Variants in HSD17B4 observed in about 807,000 individuals in gnomAD.
HSD17B4 encodes the protein hydroxysteroid 17-beta dehydrogenase 4.
HSD17B4 carries 70 observed loss-of-function variants against 101.0 expected under a neutral mutation model. The ratio of observed to expected loss-of-function variants is 0.69; its 90% confidence interval spans 0.57 to 0.85. HSD17B4 has a LOEUF of 0.85. HSD17B4 is among the 40% of genes least tolerant of loss of function. The probability of loss-of-function intolerance (pLI) is 0.00; values close to 1 mark genes in which losing one functional copy is unlikely to be tolerated. For synonymous variants in HSD17B4, 347 were observed against 297.1 expected (o/e 1.17, Z -1.73); for missense variants, 984 against 892.4 (o/e 1.10, Z -1.31).
Position 119,514,985 on chromosome 5 carries a change from C to T in HSD17B4, c.1442C>T (p.Ala481Val), listed in dbSNP as rs747593673. ...GKRTSDKVKVAVAIPNRPPDA... is the reference protein window; with the variant it reads ...GKRTSDKVKVVVAIPNRPPDA... ...CATGTAATGTCTTAATTTTAGGTAG[C>T]TGTAGCCATACCTAATAGACCTCCT... Residue 481 changes from alanine to valine, a missense_variant, in exon 17 of 24, where the codon GCT (alanine) becomes GTT (valine). Physicochemically the swap from Ala to Val is moderately conservative, Grantham distance 64. Transcript: ENST00000510025. 1 of 1,522,962 alleles carries T rather than the reference C, an allele frequency of 6.6e-7. No homozygotes were observed. Among genetic ancestry groups the T allele is most frequent in the Non-Finnish European group, 9.1e-7 (1 of 1,097,240 alleles). 94.3% of individuals were successfully genotyped at this position (1,522,962 alleles called of 1,614,324 possible).
chr5:119,524,794 T>C (rs947605474), intron 17 of HSD17B4, among the ~76,000 whole-genome samples: 2 of 152,156 alleles, frequency 1.3e-5, no homozygotes, highest in Non-Finnish European at 2.9e-5. Context: ...CTTTGATGTT[T>C]CTATGTCCGA....
intron 2 of HSD17B4, chr5:119,471,672 C>A: frequency 6.8e-7 from 1 of 1,473,558 alleles, no homozygotes; most frequent in Non-Finnish European, 9.0e-7. Context: ...TGGAGAAGAT[C>A]ATTTCACAAT....
At chr5:119,502,451 T>C (rs945258720) in intron 14 of HSD17B4, among the ~76,000 whole-genome samples, 6 of 152,148 alleles carry the variant, frequency 3.9e-5, no homozygotes, top group African/African-American at 1.4e-4. Context: ...TATACTGATT[T>C]TCATAAAGCA....
intron 2 of HSD17B4, among the ~76,000 whole-genome samples, chr5:119,457,440 G>C (rs1051620298): frequency 7.9e-5 from 12 of 152,208 alleles, no homozygotes; most frequent in African/African-American, 2.9e-4. Context: ...CTTCATTGTG[G>C]ATGTGTAGCT....
At chr5:119,526,119 G>A (rs992785814) in intron 19 of HSD17B4, 96 bp downstream of exon 19, 1 of 773,888 alleles carries the variant, frequency 1.3e-6, no homozygotes, top group Non-Finnish European at 2.3e-6. Flanking sequence ...AATAGATATT[G>A]TACTACAGCA....
chr5:119,491,189 T>C (rs750189211), intron 9 of HSD17B4, among the ~76,000 whole-genome samples: 2 of 152,094 alleles, frequency 1.3e-5, no homozygotes, highest in Non-Finnish European at 2.9e-5. Context: ...CAGTAAAAAG[T>C]GGTAGTTATT....
chr5:119,530,860 A>C (rs1006529726), intron 21 of HSD17B4, among the ~76,000 whole-genome samples: 31 of 131,900 alleles, frequency 2.4e-4, no homozygotes, highest in Middle Eastern at 3.6e-3. Context: ...AAAAAAAAAA[A>C]AAACAAAAAA....
chr5:119,472,284 C>T (rs1459711032), intron 2 of HSD17B4, among the ~76,000 whole-genome samples: 1 of 152,160 alleles, frequency 6.6e-6, no homozygotes, highest in Non-Finnish European at 1.5e-5. Context: ...GATATTTCAA[C>T]ATTGTGTGCT....
intron 17 of HSD17B4, among the ~76,000 whole-genome samples, chr5:119,522,402 G>T (rs1753200456): frequency 6.6e-6 from 1 of 152,206 alleles, no homozygotes. Flanking sequence ...ACATACGTGT[G>T]CATGTGTCTT....
intron 19 of HSD17B4, among the ~76,000 whole-genome samples, chr5:119,526,286 A>ATATATATATG (rs1038736052): frequency 1.3e-5 from 2 of 150,474 alleles, no homozygotes; most frequent in African/African-American, 2.4e-5. Flanking sequence ...CATATATTAT[A>ATATATATATG]TATATATATA....
intron 1 of HSD17B4, among the ~76,000 whole-genome samples, chr5:119,455,343 C>A (rs1267592491): frequency 6.6e-6 from 1 of 152,074 alleles, no homozygotes; most frequent in Non-Finnish European, 1.5e-5. Context: ...ATGGTGAAAC[C>A]CCATCTCTAC....
chr5:119,494,333 CTT>C (rs1182307857), intron 11 of HSD17B4, among the ~76,000 whole-genome samples: 12 of 116,658 alleles, frequency 1.0e-4, no homozygotes, highest in Admixed American at 9.0e-4. Flanking sequence ...TCTTTTCTTT[CTT>C]TCTTTCTTTC....
chr5:119,491,553 T>C (rs1750110933), intron 9 of HSD17B4, among the ~76,000 whole-genome samples: 1 of 152,062 alleles, frequency 6.6e-6, no homozygotes, highest in African/African-American at 2.4e-5. Flanking sequence ...CAGTTATTAT[T>C]TGGTCATTTG....
intron 8 of HSD17B4, among the ~76,000 whole-genome samples, chr5:119,486,216 G>A (rs1002736418): frequency 2.0e-5 from 3 of 152,142 alleles, no homozygotes; most frequent in African/African-American, 7.2e-5. Context: ...ACTTACTTCA[G>A]AAGAGATGTA....
chr5:119,522,962 C>G (rs1243409928), intron 17 of HSD17B4, among the ~76,000 whole-genome samples: 2 of 152,032 alleles, frequency 1.3e-5, no homozygotes, highest in African/African-American at 4.8e-5. Flanking sequence ...GCTTTTGCAC[C>G]CCCCAAGCCC....
rs190249407 is a variant in HSD17B4, at chr5:119,492,180, C to T, written c.739+56C>T. 27 of 1,317,194 alleles carry T rather than the reference C, an allele frequency of 2.0e-5. No homozygotes were observed. The African/African-American group carries it at 2.9e-4, about 14-fold the overall frequency. 81.6% of individuals were successfully genotyped at this position (1,317,194 alleles called of 1,614,324 possible). ...GATTATTTCCTTATCTTTAAACCTA[C>T]ATATCCAGTTGAGATGGGTAAGATT... is the stretch of plus-strand genomic sequence containing the variant. On this transcript the variant is annotated intron_variant, in intron 10 of 23. Transcript: ENST00000510025.
chr5:119,539,444 AG>A (rs144824445), intron 23 of HSD17B4, among the ~76,000 whole-genome samples: 37,179 of 91,824 alleles, frequency 0.4, 4,958 homozygotes, highest in East Asian at 0.49. Context: ...GGGTTGGGGG[AG>A]GGGGGGAGGG....
intron 17 of HSD17B4, among the ~76,000 whole-genome samples, chr5:119,519,146 A>G (rs1021618937): frequency 1.3e-5 from 2 of 152,170 alleles, no homozygotes; most frequent in Non-Finnish European, 2.9e-5. Flanking sequence ...TCAAAACAAA[A>G]CAAAACAAAA....
intron 14 of HSD17B4, 44 bp downstream of exon 14, chr5:119,502,136 TC>T (rs375570932): frequency 1.6e-6 from 2 of 1,259,200 alleles, no homozygotes; most frequent in African/African-American, 2.9e-5. Context: ...TACTTTTATT[TC>T]CAGATTAACC....
Sources: gnomAD v4.1 joint callset for allele counts (sites outside exome capture counted in the v4.1 genomes callset) on GRCh38, gnomAD v4.1.1 for gene constraint, MANE v1.5 for transcripts, NCBI Gene and HGNC (gene_info 2026-07-23, HGNC 2026-07-21) for gene names.